Variants in NLGN1 observed in about 807,000 individuals in gnomAD.
NLGN1 encodes neuroligin 1.
A neutral mutation model predicts 65.5 loss-of-function variants in NLGN1; 12 were observed. The ratio of observed to expected loss-of-function variants is 0.18; its 90% CI spans 0.12 to 0.30. The LOEUF is 0.30. Among genes scored for constraint, NLGN1 ranks in the 10% least tolerant of loss-of-function variants. The pLI is 1.00. For synonymous variants in NLGN1, 350 were observed against 359.5 expected (o/e 0.97, Z 0.30); for missense variants, 750 against 1,007.1 (o/e 0.74, Z 3.46).
At chr3:173,891,548 C>G (rs1014950284) in intron 4 of NLGN1, among the ~76,000 whole-genome samples, 4 of 152,138 alleles carry the variant, frequency 2.6e-5, no homozygotes, top group Admixed American at 2.0e-4. Flanking sequence ...ATTCCTTCTT[C>G]TAAAGTTTCC....
At chr3:173,740,095 A>G (rs1774412377) in intron 3 of NLGN1, among the ~76,000 whole-genome samples, 1 of 152,128 alleles carries the variant, frequency 6.6e-6, no homozygotes, top group African/African-American at 2.4e-5. Flanking sequence ...GTAGCCTCAG[A>G]AGAGACTATT....
rs369311818 is a variant in NLGN1 at position 174,225,242 on chromosome 3, C to G, written c.647-50073C>G. On this transcript the variant is annotated intron_variant, in intron 4 of 6. Transcript: ENST00000457714. ...CTTCAGACAAAAATATGCCTGAAAC[C>G]TTAAAGTTTCTCAGATCCCACTAAA... Among the ~76,000 whole-genome samples, 3 of 152,202 alleles carry G rather than the reference C, an allele frequency of 2.0e-5. No individual in the cohort carries two copies. The East Asian group carries it at 5.8e-4, about 29-fold the overall frequency.
intron 4 of NLGN1, among the ~76,000 whole-genome samples, chr3:173,945,557 T>A (rs1202398639): frequency 6.6e-6 from 1 of 152,180 alleles, no homozygotes; most frequent in Non-Finnish European, 1.5e-5. Context: ...TGAGCTGGAA[T>A]GCCATTTTCC....
chr3:174,024,318 C>T lies in NLGN1; in HGVS notation c.646+216486C>T, dbSNP rs138349851. ...GATGATGATTGTCAAGAAAAGGCAA[C>T]CAAGAACTTTGCCCAGTAAGCGTTA... On this transcript the variant is annotated intron_variant, in intron 4 of 6. Transcript: ENST00000457714. Among the ~76,000 whole-genome samples the T allele has an allele frequency of 3.6e-4, 55 of 152,156 alleles. 1 individual carries two copies. In the East Asian group the frequency reaches 0.01, roughly 29 times the overall value.
intron 3 of NLGN1, among the ~76,000 whole-genome samples, chr3:173,740,153 A>G (rs866580091): frequency 1.3e-5 from 2 of 152,256 alleles, no homozygotes; most frequent in Admixed American, 6.5e-5. Context: ...ACTCATTGCA[A>G]TAAGAACATA....
chr3:173,801,003 T>G (rs1039509609), intron 3 of NLGN1, among the ~76,000 whole-genome samples: 2 of 151,996 alleles, frequency 1.3e-5, no homozygotes, highest in African/African-American at 4.8e-5. Flanking sequence ...ACTCCTGTAG[T>G]ACTTTTGATA....
chr3:173,682,994 G>T (rs1764167334), intron 3 of NLGN1, among the ~76,000 whole-genome samples: 1 of 152,170 alleles, frequency 6.6e-6, no homozygotes. Context: ...CATGTAAGTT[G>T]CTGGTTTTGC....
At chr3:173,728,094 C>G (rs964692779) in intron 3 of NLGN1, among the ~76,000 whole-genome samples, 1 of 151,948 alleles carries the variant, frequency 6.6e-6, no homozygotes, top group Non-Finnish European at 1.5e-5. Flanking sequence ...GTGGGAAAGT[C>G]TAGAGGCAAG....
chr3:173,910,371 A>G (rs777541962), intron 4 of NLGN1: 1 of 152,216 alleles, frequency 6.6e-6, no homozygotes. Context: ...CAGGAAAAAA[A>G]TGAAACTTTT....
At chr3:173,813,547 A>G (rs530483970) in intron 4 of NLGN1, among the ~76,000 whole-genome samples, 19 of 152,322 alleles carry the variant, frequency 1.2e-4, no homozygotes, top group Admixed American at 1.1e-3. Flanking sequence ...AAAGGGAGAA[A>G]GACAGTCTTT....
intron 4 of NLGN1, among the ~76,000 whole-genome samples, chr3:173,869,739 T>C (rs1186401019): frequency 6.6e-6 from 1 of 152,186 alleles, no homozygotes; most frequent in East Asian, 1.9e-4. Context: ...CTTCAACTTC[T>C]ACTCCCCAAT....
At chr3:174,107,052 A>AGAGAGAGAGAGAGAGAG (rs1576908187) in intron 4 of NLGN1, among the ~76,000 whole-genome samples, 1 of 149,844 alleles carries the variant, frequency 6.7e-6, no homozygotes, top group African/African-American at 2.5e-5. Flanking sequence ...AGAGAGAGAG[A>AGAGAGAGAGAGAGAGAG]AATAACTCTT....
intron 2 of NLGN1, among the ~76,000 whole-genome samples, chr3:173,588,772 CTT>C (rs1235229713): frequency 6.6e-6 from 1 of 152,118 alleles, no homozygotes; most frequent in African/African-American, 2.4e-5. Flanking sequence ...TGTGTGAAAC[CTT>C]ATGGGCCTTG....
chr3:174,114,371 A>T (rs1312639163), intron 4 of NLGN1, among the ~76,000 whole-genome samples: 5 of 152,192 alleles, frequency 3.3e-5, no homozygotes, highest in Non-Finnish European at 7.4e-5. Context: ...GCCCCCAGTA[A>T]TGTGAGTGAA....
intron 4 of NLGN1, among the ~76,000 whole-genome samples, chr3:174,038,439 G>C (rs1046518474): frequency 1.3e-5 from 2 of 152,268 alleles, no homozygotes; most frequent in African/African-American, 4.8e-5. Flanking sequence ...TGTGGGACAT[G>C]ATCTCTACCA....
chr3:173,676,867 T>G lies in NLGN1; in HGVS notation c.493+71776T>G, dbSNP rs144230123. 3.2e-3 allele frequency among the ~76,000 whole-genome samples: 489 copies of G among 152,278 alleles called. 3 individuals carry two copies. Among genetic ancestry groups the G allele is most frequent in the African/African-American group, 0.011 (465 of 41,568 alleles). The stretch of plus-strand genomic sequence containing the variant: ...GTAGAACAATTCTCCTTATTTTGTT[T>G]GTGTCTCTCTTCTTACTTTGATCAC... On this transcript the variant is annotated intron_variant, in intron 3 of 6. Transcript: ENST00000457714.
chr3:174,229,354 T>C (rs1643919064), intron 4 of NLGN1, among the ~76,000 whole-genome samples: 1 of 152,106 alleles, frequency 6.6e-6, no homozygotes, highest in Admixed American at 6.5e-5. Flanking sequence ...CATATGAAAA[T>C]GAGGACTGGT....
At chr3:173,982,164 C>A (rs1271424174) in intron 4 of NLGN1, among the ~76,000 whole-genome samples, 7 of 152,012 alleles carry the variant, frequency 4.6e-5, no homozygotes, top group Admixed American at 2.0e-4. Flanking sequence ...AGGTCTCTAA[C>A]CATCAGCTTT....
chr3:173,997,875 A>G (rs1365298180), intron 4 of NLGN1, among the ~76,000 whole-genome samples: 1 of 152,162 alleles, frequency 6.6e-6, no homozygotes, highest in African/African-American at 2.4e-5. Flanking sequence ...TCTAGTATCT[A>G]GAACCAATAC....
Sources: gnomAD v4.1 joint callset for allele counts (sites outside exome capture counted in the v4.1 genomes callset) on GRCh38, gnomAD v4.1.1 for gene constraint, MANE v1.5 for transcripts, NCBI Gene and HGNC (gene_info 2026-07-23, HGNC 2026-07-21) for gene names.